NAT1: variants seen among roughly 807,000 people sequenced by gnomAD.
The protein encoded by NAT1 is arylamine N-acetyltransferase 1.
For synonymous variants in NAT1, 144 were observed against 122.6 expected (o/e 1.17, Z -1.16); for missense variants, 400 against 339.2 (o/e 1.18, Z -1.41).
intron 2 of NAT1, among the ~76,000 whole-genome samples, chr8:18,181,123 C>T (rs1030895077): frequency 6.6e-6 from 1 of 151,852 alleles, no homozygotes; most frequent in African/African-American, 2.4e-5. Context: ...TTAATTTTTC[C>T]AATCCATTAG....
intron 2 of NAT1, among the ~76,000 whole-genome samples, chr8:18,183,336 A>T (rs1331415389): frequency 6.6e-6 from 1 of 152,178 alleles, no homozygotes; most frequent in Non-Finnish European, 1.5e-5. Flanking sequence ...CATTCAAACC[A>T]TTTTAAACCA....
chr8:18,197,762 A>G (rs1803296797), intron 2 of NAT1, among the ~76,000 whole-genome samples: 1 of 152,162 alleles, frequency 6.6e-6, no homozygotes, highest in African/African-American at 2.4e-5. Flanking sequence ...GTTAGACTAG[A>G]TTAATCATGG....
At chr8:18,203,854 A>C (rs1383206693) in intron 2 of NAT1, among the ~76,000 whole-genome samples, 2 of 152,216 alleles carry the variant, frequency 1.3e-5, no homozygotes, top group Admixed American at 6.5e-5. Context: ...AACAGCCTGC[A>C]GGCTGGGAGC....
At chr8:18,208,124 G>T (rs1803806371), upstream of NAT1, among the ~76,000 whole-genome samples, 1 of 151,958 alleles carries the variant, frequency 6.6e-6, no homozygotes, top group African/African-American at 2.4e-5. Context: ...GGGGTGAGGA[G>T]GGTGGGGGTA....
chr8:18,174,543 A>G (rs1802215701), intron 2 of NAT1, among the ~76,000 whole-genome samples: 1 of 152,080 alleles, frequency 6.6e-6, no homozygotes, highest in Admixed American at 6.6e-5. Context: ...CACATACAGA[A>G]AAGTATTACA....
At chr8:18,187,936 AACACACACACACACACACAC>A (rs35203470) in intron 2 of NAT1, among the ~76,000 whole-genome samples, 6 of 137,502 alleles carry the variant, frequency 4.4e-5, no homozygotes, top group South Asian at 2.6e-4. Flanking sequence ...TTGTATCTTA[AACACACACACACACACACAC>A]ACACACACAC....
rs1305387404 is a variant in NAT1, at chr8:18,223,479, T to C, written c.*559T>C. The stretch of plus-strand genomic sequence containing the variant: ...TGAGCTTTTCTTGTGTAGATCTGAG[T>C]TGAAATCCTGTGGACACTGGGCGAA... On this transcript the variant is annotated 3_prime_UTR_variant, in exon 3 of 3. Coordinates refer to ENST00000307719, the MANE Select transcript of NAT1 (RefSeq NM_000662.8). 6.4e-6 allele frequency: 1 copy of C among 157,436 alleles called. No homozygotes were observed. The highest frequency in any genetic ancestry group is 2.1e-4 in the East Asian group (1 of 4,814). 9.8% of individuals were successfully genotyped at this position (157,436 alleles called of 1,614,324 possible).
At chr8:18,214,211 C>T (rs1804405220) in intron 1 of NAT1, among the ~76,000 whole-genome samples, 1 of 152,162 alleles carries the variant, frequency 6.6e-6, no homozygotes, top group Non-Finnish European at 1.5e-5. Flanking sequence ...TGGAAGGAGT[C>T]AGTGTTCACC....
intron 1 of NAT1, among the ~76,000 whole-genome samples, chr8:18,215,930 G>A (rs917794337): frequency 6.6e-6 from 1 of 152,154 alleles, no homozygotes; most frequent in Non-Finnish European, 1.5e-5. Context: ...ACAGGTCTAT[G>A]CCTTTCTCTG....
chr8:18,191,946 A>G (rs1456458441), intron 2 of NAT1, among the ~76,000 whole-genome samples: 1 of 152,200 alleles, frequency 6.6e-6, no homozygotes, highest in African/African-American at 2.4e-5. Flanking sequence ...CTTCATGTCT[A>G]AAACACAAAA....
chr8:18,180,287 A>T (rs1273214272), intron 2 of NAT1, among the ~76,000 whole-genome samples: 1 of 152,106 alleles, frequency 6.6e-6, no homozygotes, highest in African/African-American at 2.4e-5. Context: ...ATGAAGGGAA[A>T]ATGAATTTTG....
intron 2 of NAT1, 74 bp from the exon 3 acceptor site, chr8:18,221,967 AT>A: frequency 7.2e-7 from 1 of 1,395,550 alleles, no homozygotes; most frequent in Non-Finnish European, 9.8e-7. Flanking sequence ...TGTTTAAAAT[AT>A]AGCCATAATT....
intron 2 of NAT1, among the ~76,000 whole-genome samples, chr8:18,219,748 C>T (rs940669429): frequency 6.6e-6 from 1 of 152,190 alleles, no homozygotes; most frequent in Non-Finnish European, 1.5e-5. Flanking sequence ...AGAATGTTCA[C>T]GTGTGATTTG....
upstream of NAT1, among the ~76,000 whole-genome samples, chr8:18,207,551 C>G (rs941744985): frequency 6.6e-6 from 1 of 152,158 alleles, no homozygotes; most frequent in African/African-American, 2.4e-5. Context: ...AAATGCAAGT[C>G]AAAACCACAG....
intron 1 of NAT1, among the ~76,000 whole-genome samples, chr8:18,212,002 C>A (rs779881944): frequency 2.6e-5 from 4 of 152,174 alleles, no homozygotes; most frequent in African/African-American, 4.8e-5. Context: ...CATAGGCAGA[C>A]TACCTCTGGG....
At chr8:18,214,335 T>C (rs1487356218) in intron 1 of NAT1, among the ~76,000 whole-genome samples, 1 of 152,208 alleles carries the variant, frequency 6.6e-6, no homozygotes, top group Non-Finnish European at 1.5e-5. Flanking sequence ...TCTCAAGCTC[T>C]TTTATGTTTG....
intron 2 of NAT1, among the ~76,000 whole-genome samples, chr8:18,193,507 A>G (rs866785717): frequency 7.9e-6 from 1 of 126,848 alleles, no homozygotes; most frequent in African/African-American, 3.9e-5. Flanking sequence ...TATATATATA[A>G]TATATATATA....
intron 2 of NAT1, among the ~76,000 whole-genome samples, chr8:18,182,747 T>A (rs892496049): frequency 4.6e-5 from 7 of 152,208 alleles, no homozygotes; most frequent in African/African-American, 1.7e-4. Context: ...AATATTCATG[T>A]TAAAATTAAC....
At chr8:18,186,372 G>C (rs1348561534) in intron 2 of NAT1, among the ~76,000 whole-genome samples, 47 of 152,016 alleles carry the variant, frequency 3.1e-4, no homozygotes, top group Admixed American at 3.1e-3. Context: ...TTTTATCTCA[G>C]TGACTAGCTT....
Sources: allele counts gnomAD v4.1 joint callset (sites outside exome capture counted in the v4.1 genomes callset), GRCh38; gene constraint gnomAD v4.1.1; transcripts MANE v1.5; gene names NCBI Gene and HGNC (gene_info 2026-07-23, HGNC 2026-07-21).